The following TSPAN4 variants were observed in gnomAD, a reference collection of about 807,000 sequenced individuals.
The protein encoded by TSPAN4 is tetraspanin 4.
Under a neutral mutation model 31.5 loss-of-function variants are expected in TSPAN4, and 38 were observed. That is an observed-to-expected ratio of 1.21 (90% CI 0.93 to 1.58). The LOEUF (loss-of-function observed/expected upper bound fraction) is 1.58. Among genes scored for constraint, TSPAN4 ranks in the 40% most tolerant of loss-of-function variants. TSPAN4 has a pLI of 0.00. For synonymous variants in TSPAN4, 186 were observed against 144.6 expected, an observed-to-expected ratio of 1.29 and a Z score of -2.06; for missense variants, 330 against 317.3, an observed-to-expected ratio of 1.04 and a Z score of -0.30.
At chr11:850,458 C>A in intron 3 of TSPAN4, 91 bp downstream of exon 3, 1 of 1,144,782 alleles carries the variant, frequency 8.7e-7, no homozygotes, top group Non-Finnish European at 1.3e-6. Flanking sequence ...AGTCGCTGCC[C>A]CGGCCAGGCG....
At chr11:846,837 C>G (rs1458113603) in intron 1 of TSPAN4, among the ~76,000 whole-genome samples, 1 of 152,184 alleles carries the variant, frequency 6.6e-6, no homozygotes, top group Non-Finnish European at 1.5e-5. Flanking sequence ...TGTGTGGGTG[C>G]AAGCATGTGT....
intron 3 of TSPAN4, among the ~76,000 whole-genome samples, chr11:856,558 GC>G (rs531984583): frequency 7.5e-4 from 114 of 152,362 alleles, no homozygotes; most frequent in African/African-American, 2.7e-3. Flanking sequence ...CTGGCCTGCG[GC>G]GGGGCAGCAG....
In TSPAN4 at chr11:865,829, AGT is replaced by A; in HGVS notation, c.564+6_564+7del. 6.2e-7 allele frequency: 1 copy of A among 1,612,130 alleles called. No individual in the cohort carries two copies. Among genetic ancestry groups the A allele is most frequent in the Non-Finnish European group, 8.5e-7 (1 of 1,179,530 alleles). On this transcript the variant is annotated splice_donor_5th_base_variant and intron_variant, in intron 7 of 8. Transcript: ENST00000397397. Reference sequence around the variant, plus strand: ...CCCCGGCACCTGGTGGAAGGCGGTGAGTGAGACCCCCACCCTGGGGGCTGGTA... The same window carrying A: ...CCCCGGCACCTGGTGGAAGGCGGTGAGAGACCCCCACCCTGGGGGCTGGTA...
At chr11:851,274 C>G (rs1847695533) in intron 3 of TSPAN4, among the ~76,000 whole-genome samples, 1 of 152,182 alleles carries the variant, frequency 6.6e-6, no homozygotes, top group African/African-American at 2.4e-5. Context: ...GCTTTGCTGG[C>G]TGGGCTGGGG....
rs117471101 is a variant in TSPAN4, at chr11:846,172, C to T, written c.-117-1029C>T. 8.3e-4 allele frequency among the ~76,000 whole-genome samples: 127 copies of T among 152,324 alleles called. 2 individuals carry two copies. The East Asian group carries it at 0.021, about 26-fold the overall frequency. ...CCCCTGCTGAGCTGTGTGGAGACCC[C>T]GAGGTCTGGGCTGGGCCAGGACTGA... is the stretch of plus-strand genomic sequence containing the variant. On this transcript the variant is annotated intron_variant, in intron 1 of 8. Transcript: ENST00000397397.
intron 3 of TSPAN4, among the ~76,000 whole-genome samples, chr11:851,647 G>T (rs1354537667): frequency 6.6e-6 from 1 of 152,166 alleles, no homozygotes; most frequent in African/African-American, 2.4e-5. Context: ...GGCTCTGGAG[G>T]GGTGAGGCCC....
intron 1 of TSPAN4, among the ~76,000 whole-genome samples, chr11:845,902 C>A (rs893241544): frequency 6.6e-6 from 1 of 152,104 alleles, no homozygotes; most frequent in South Asian, 2.1e-4. Context: ...CCCACCCAGA[C>A]TCTGTATGTA....
At chr11:859,245 A>T (rs1378537216) in intron 3 of TSPAN4, among the ~76,000 whole-genome samples, 1 of 51,972 alleles carries the variant, frequency 1.9e-5, no homozygotes, top group Non-Finnish European at 3.6e-5. Context: ...CCGCTCACAC[A>T]CACCCCCACT....
intron 2 of TSPAN4, chr11:849,866 G>C (rs1001801153): frequency 6.1e-5 from 9 of 147,850 alleles, no homozygotes; most frequent in South Asian, 1.8e-4. Context: ...AGATGTTTGG[G>C]TTCCGCCGCC....
chr11:865,821 A>T lies in TSPAN4; in HGVS notation c.560A>T (p.Lys187Met). 1 of 1,612,332 alleles carries T rather than the reference A, an allele frequency of 6.2e-7. No individual in the cohort carries two copies. The highest frequency in any genetic ancestry group is 8.5e-7 in the Non-Finnish European group (1 of 1,179,652). The change falls in exon 7 of 9, where the codon AAG becomes ATG. Residue 187 changes from lysine (K) to methionine (M), a missense_variant. Physicochemically the swap from Lys to Met is moderately conservative, Grantham distance 95. Transcript: ENST00000397397. ...CTGCACGCCCCCGGCACCTGGTGGAAGGCGGTGAGTGAGACCCCCACCCTG... is the reference window on the plus strand; with the variant it reads ...CTGCACGCCCCCGGCACCTGGTGGATGGCGGTGAGTGAGACCCCCACCCTG... ...CGLHAPGTWW[K>M]APCYETVKVW...
intron 5 of TSPAN4, 160 bp downstream of exon 5, chr11:864,671 C>T: frequency 1.2e-6 from 1 of 845,512 alleles, no homozygotes; most frequent in Non-Finnish European, 1.9e-6. Flanking sequence ...AGGGGCAGCG[C>T]CAGCGACCCT....
At chr11:863,895 T>G in intron 4 of TSPAN4, 1 of 155,080 alleles carries the variant, frequency 6.4e-6, no homozygotes, top group Non-Finnish European at 1.4e-5. Flanking sequence ...GAAGCTTGCA[T>G]GGTCAGAGGT....
At chr11:856,250 A>T (rs1178558886) in intron 3 of TSPAN4, among the ~76,000 whole-genome samples, 1 of 152,224 alleles carries the variant, frequency 6.6e-6, no homozygotes, top group Non-Finnish European at 1.5e-5. Flanking sequence ...GGGCAGAGCC[A>T]TCAGTTGCTG....
chr11:860,787 C>T (rs772859159), intron 3 of TSPAN4, among the ~76,000 whole-genome samples: 4 of 152,132 alleles, frequency 2.6e-5, no homozygotes, highest in Non-Finnish European at 4.4e-5. Flanking sequence ...CTGGGTGCTC[C>T]AAGGGGTTTC....
At chr11:864,088 A>C in intron 4 of TSPAN4, 1 of 369,002 alleles carries the variant, frequency 2.7e-6, no homozygotes, top group Non-Finnish European at 5.1e-6. Context: ...CCCTGGATGG[A>C]GGTGTCCTGA....
At chr11:860,687 G>A (rs1249735111) in intron 3 of TSPAN4, among the ~76,000 whole-genome samples, 1 of 152,186 alleles carries the variant, frequency 6.6e-6, no homozygotes, top group Non-Finnish European at 1.5e-5. Flanking sequence ...ACTGGGGCTT[G>A]GGAGGCTTTT....
intron 3 of TSPAN4, among the ~76,000 whole-genome samples, chr11:855,324 C>T (rs372286834): frequency 7.1e-4 from 108 of 152,318 alleles, no homozygotes; most frequent in Non-Finnish European, 1.3e-3. Context: ...GGCTTCCAGC[C>T]GCGCTTGTGC....
At chr11:861,738 G>C (rs1250264007) in intron 3 of TSPAN4, among the ~76,000 whole-genome samples, 2 of 151,204 alleles carry the variant, frequency 1.3e-5, no homozygotes, top group Non-Finnish European at 2.9e-5. Context: ...AGACTATTGT[G>C]GCTAAACCAT....
intron 1 of TSPAN4, among the ~76,000 whole-genome samples, chr11:845,964 G>A (rs1171106600): frequency 1.3e-5 from 2 of 152,166 alleles, no homozygotes; most frequent in African/African-American, 4.8e-5. Context: ...GCTTGCTTGG[G>A]ACCCCCCAGG....
Sources: gnomAD v4.1 joint callset for allele counts (sites outside exome capture counted in the v4.1 genomes callset) on GRCh38, gnomAD v4.1.1 for gene constraint, MANE v1.5 for transcripts, NCBI Gene and HGNC (gene_info 2026-07-23, HGNC 2026-07-21) for gene names.